CMKLR2: variants seen among roughly 807,000 people sequenced by gnomAD.
The protein encoded by CMKLR2 is chemerin-like receptor 2.
CMKLR2 carries 18 observed loss-of-function variants against 23.0 expected under a neutral mutation model. That is an observed-to-expected ratio of 0.78 (90% CI 0.54 to 1.16). CMKLR2 has a LOEUF of 1.16. Among genes scored for constraint, CMKLR2 ranks in the 50% most tolerant of loss-of-function variants. The pLI, the probability that CMKLR2 is intolerant of heterozygous loss-of-function variation, is 0.00. For missense variants in CMKLR2, 401 were observed against 412.7 expected, an observed-to-expected ratio of 0.97 and a Z score of 0.25; for synonymous variants, 158 against 158.9, an observed-to-expected ratio of 0.99 and a Z score of 0.05.
chr2:206,183,016 T>C (rs2105804895), intron 1 of CMKLR2, among the ~76,000 whole-genome samples: 1 of 152,296 alleles, frequency 6.6e-6, no homozygotes, highest in South Asian at 2.1e-4. Flanking sequence ...GCTCCTGTCA[T>C]GCTGCCCCAT....
At chr2:206,194,641 G>A (rs774104609) in intron 1 of CMKLR2, among the ~76,000 whole-genome samples, 26 of 151,460 alleles carry the variant, frequency 1.7e-4, no homozygotes, top group Non-Finnish European at 2.7e-4. Context: ...TCACCATGTC[G>A]GCCAGGCTGA....
At chr2:206,215,353 C>T (rs756202429), upstream of CMKLR2, among the ~76,000 whole-genome samples, 2 of 152,178 alleles carry the variant, frequency 1.3e-5, no homozygotes, top group Non-Finnish European at 2.9e-5. Flanking sequence ...ACAATTTCAT[C>T]TGTAAAAGCC....
chr2:206,198,106 TA>T (rs1176554236), intron 1 of CMKLR2, among the ~76,000 whole-genome samples: 1 of 152,200 alleles, frequency 6.6e-6, no homozygotes, highest in Non-Finnish European at 1.5e-5. Context: ...AAGAGCAGCG[TA>T]GGACCTTGTC....
At chr2:206,178,717 C>T (rs909752118) in intron 1 of CMKLR2, among the ~76,000 whole-genome samples, 11 of 152,062 alleles carry the variant, frequency 7.2e-5, no homozygotes, top group African/African-American at 2.2e-4. Flanking sequence ...GGCACGATCT[C>T]GGCTCACTGT....
In CMKLR2 at chr2:206,176,234, T is replaced by A; in HGVS notation, c.1014A>T (p.Glu338Asp). 1 of 1,614,194 alleles carries A rather than the reference T, an allele frequency of 6.2e-7. No homozygotes were observed. Among genetic ancestry groups the A allele is most frequent in the Non-Finnish European group, 8.5e-7 (1 of 1,180,024 alleles). ...WEVSCSGTVS[E>D]QLRNSETKNL... The stretch of plus-strand genomic sequence containing the variant: ...TCTTGGTTTCTGAGTTCCTGAGCTG[T>A]TCACTCACTGTGCCAGAACAGCTGA... The change falls in exon 2 of 2, where the codon GAA becomes GAT. Residue 338 changes from glutamate to aspartate, a missense_variant. Coordinates refer to ENST00000621141, the MANE Select transcript of CMKLR2 (RefSeq NM_001389445.1).
chr2:206,185,976 T>C (rs991287807), intron 1 of CMKLR2, among the ~76,000 whole-genome samples: 5 of 152,118 alleles, frequency 3.3e-5, no homozygotes, highest in African/African-American at 1.2e-4. Context: ...AAAAAGAAGT[T>C]TGGACCCCTG....
chr2:206,210,113 G>A lies in CMKLR2; in HGVS notation c.-29+3194C>T, dbSNP rs556919399. 7.7e-4 allele frequency among the ~76,000 whole-genome samples: 117 copies of A among 151,746 alleles called. 1 individual carries two copies. In the South Asian group the frequency reaches 8.5e-3, roughly 11 times the overall value. On this transcript the variant is annotated intron_variant, in intron 1 of 1. Transcript: ENST00000621141. Reference sequence around the variant, plus strand: ...CAAGTAGCTGGGACTACAGGTGTGCGCCACCATGACTGGCTAATTTTTGTA... The same window carrying A: ...CAAGTAGCTGGGACTACAGGTGTGCACCACCATGACTGGCTAATTTTTGTA...
upstream of CMKLR2, among the ~76,000 whole-genome samples, chr2:206,215,489 T>C (rs1032230014): frequency 6.6e-6 from 1 of 152,220 alleles, no homozygotes; most frequent in African/African-American, 2.4e-5. Context: ...GATCAAGGAT[T>C]GTCCTATGTG....
intron 1 of CMKLR2, among the ~76,000 whole-genome samples, chr2:206,207,776 G>GTTTTTT (rs1689392657): frequency 9.9e-6 from 1 of 101,192 alleles, no homozygotes; most frequent in East Asian, 3.3e-4. Context: ...GAGTTTTGCC[G>GTTTTTT]TTGTTGCCTG....
Position 206,176,608 on chromosome 2 carries a change from C to T in CMKLR2, c.640G>A (p.Gly214Ser). The T allele has an allele frequency of 8.1e-6, 13 of 1,614,106 alleles. No individual in the cohort carries two copies. Among genetic ancestry groups the T allele is most frequent in the Non-Finnish European group, 1.1e-5 (13 of 1,180,036 alleles). Residue 214 changes from glycine (G) to serine (S), a missense_variant, in exon 2 of 2, where the codon GGC becomes AGC. By Grantham distance (56) the Gly-to-Ser change is moderately conservative. Transcript: ENST00000621141. ...HVLTWVKFII[G>S]YLFPLLTMSI... ...ATTGTTAGCAAAGGGAAGAGATAGC[C>T]AATGATAAATTTCACCCAAGTCAGA...
chr2:206,210,919 G>T, intron 1 of CMKLR2, among the ~76,000 whole-genome samples: 1 of 152,166 alleles, frequency 6.6e-6, no homozygotes, highest in South Asian at 2.1e-4. Flanking sequence ...AAAAATTAAG[G>T]ATATCATATC....
chr2:206,178,719 G>A (rs1688308319), intron 1 of CMKLR2, among the ~76,000 whole-genome samples: 1 of 152,038 alleles, frequency 6.6e-6, no homozygotes, highest in Non-Finnish European at 1.5e-5. Context: ...CACGATCTCG[G>A]CTCACTGTAG....
At chr2:206,181,478 C>T (rs1688410285) in intron 1 of CMKLR2, among the ~76,000 whole-genome samples, 1 of 152,100 alleles carries the variant, frequency 6.6e-6, no homozygotes, top group Non-Finnish European at 1.5e-5. Context: ...CAGGAACATA[C>T]CACCAAACTT....
chr2:206,209,339 C>CAA (rs112877056), intron 1 of CMKLR2, among the ~76,000 whole-genome samples: 5,401 of 117,344 alleles, frequency 0.046, 138 homozygotes, highest in East Asian at 0.14. Context: ...ACTCTGTCTC[C>CAA]AAAAAAAAAA....
At chr2:206,192,282 C>G (rs1228126465) in intron 1 of CMKLR2, among the ~76,000 whole-genome samples, 1 of 146,318 alleles carries the variant, frequency 6.8e-6, no homozygotes, top group Non-Finnish European at 1.5e-5. Context: ...GACTGGCGTT[C>G]TCTTTAAAAA....
At chr2:206,215,463 C>G (rs1211462187), upstream of CMKLR2, among the ~76,000 whole-genome samples, 1 of 152,098 alleles carries the variant, frequency 6.6e-6, no homozygotes, top group Admixed American at 6.6e-5. Context: ...TGAAAAGCGA[C>G]AAGAGAAATG....
rs1002602034 is a variant in CMKLR2 at position 206,190,988 on chromosome 2, G to C, written c.-28-13713C>G. 7.0e-4 allele frequency among the ~76,000 whole-genome samples: 107 copies of C among 152,066 alleles called. 7 individuals are homozygous for C. The highest frequency in any genetic ancestry group is 6.6e-5 in the Admixed American group (1 of 15,252). On this transcript the variant is annotated intron_variant, in intron 1 of 1. Transcript: ENST00000621141. ...CTGTATGGCTCTGTTGATTGCTGGG[G>C]GTGAATGATTATCCTTAGGTTAGGA... is the stretch of plus-strand genomic sequence containing the variant.
intron 1 of CMKLR2, among the ~76,000 whole-genome samples, chr2:206,191,523 A>C (rs1688746166): frequency 1.3e-5 from 2 of 152,136 alleles, no homozygotes. Context: ...TGGAGTTCAC[A>C]CATTATTATA....
intron 1 of CMKLR2, among the ~76,000 whole-genome samples, chr2:206,184,437 C>T (rs1688514930): frequency 6.6e-6 from 1 of 151,994 alleles, no homozygotes; most frequent in Non-Finnish European, 1.5e-5. Flanking sequence ...GCTGGGACTA[C>T]AGATGTGCGC....
Sources: allele counts gnomAD v4.1 joint callset (sites outside exome capture counted in the v4.1 genomes callset), GRCh38; gene constraint gnomAD v4.1.1; transcripts MANE v1.5; gene names NCBI Gene and HGNC (gene_info 2026-07-23, HGNC 2026-07-21).